Variants in VPS41 observed in about 807,000 individuals in gnomAD.
VPS41 encodes VPS41 subunit of HOPS complex, also known as vacuolar protein sorting-associated protein 41 homolog.
Under a neutral mutation model 130.9 loss-of-function variants are expected in VPS41, and 85 were observed. The ratio of observed to expected loss-of-function variants is 0.65; its 90% CI spans 0.55 to 0.78. The LOEUF is 0.78. Ranked by LOEUF, VPS41 falls within the 30% of genes least tolerant of loss-of-function variation. The pLI is 0.00. For synonymous variants in VPS41, 335 were observed against 332.9 expected (o/e 1.01, Z -0.07); for missense variants, 874 against 1,018.7 (o/e 0.86, Z 1.93).
At chr7:38,770,145 T>C (rs936900541) in intron 14 of VPS41, among the ~76,000 whole-genome samples, 2 of 152,032 alleles carry the variant, frequency 1.3e-5, no homozygotes, top group Admixed American at 1.3e-4. Flanking sequence ...GGCGCATGCC[T>C]GTAGTCCCAG....
intron 2 of VPS41, among the ~76,000 whole-genome samples, chr7:38,873,515 C>T (rs1190801680): frequency 2.0e-5 from 3 of 151,952 alleles, no homozygotes; most frequent in African/African-American, 4.8e-5. Flanking sequence ...TAATAAAAAG[C>T]AAATCAATAA....
chr7:38,772,503 G>C lies in VPS41; in HGVS notation c.1128+19C>G. ...CTGTAGATGAGTCAATACTTTCAAA[G>C]AAGTAAAATCAAGGGTACTTCATAT... is the stretch of plus-strand genomic sequence containing the variant. On this transcript the variant is annotated intron_variant, in intron 13 of 28. Transcript: ENST00000310301. 6.6e-7 allele frequency: 1 copy of C among 1,504,208 alleles called. No individual in the cohort carries two copies. The highest frequency in any genetic ancestry group is 1.1e-5 in the South Asian group (1 of 88,038). The allele number at this position is 1,504,208 out of a possible 1,614,324, so 93.2% of individuals were successfully genotyped here. A position where few individuals can be genotyped will look rare whatever the true frequency, so the allele number is the denominator to read the frequency against.
rs1310332905 is a variant in VPS41, at chr7:38,809,545, A to G, written c.450+8272T>C. On this transcript the variant is annotated intron_variant, in intron 7 of 28. Transcript: ENST00000310301. ...CTCCCTCAAAAAGGATTCAAAATCC[A>G]ATTTATTATTTGCAGACCACTGCTG... Among the ~76,000 whole-genome samples, 4 of 152,104 alleles carry G rather than the reference A, an allele frequency of 2.6e-5. 1 individual carries two copies. The highest frequency in any genetic ancestry group is 5.9e-5 in the Non-Finnish European group (4 of 68,010).
chr7:38,795,481 C>CA lies in VPS41; in HGVS notation c.700dup (p.Trp234LeufsTer17). 1 of 1,611,642 alleles carries CA rather than the reference C, an allele frequency of 6.2e-7. No homozygotes were observed. Among genetic ancestry groups the CA allele is most frequent in the Non-Finnish European group, 8.5e-7 (1 of 1,178,680 alleles). On this transcript the variant is annotated frameshift_variant, in exon 9 of 29. Transcript: ENST00000310301. LOFTEE classifies it high-confidence loss of function. ...CAAAACCACCTTGACAGAAGTCCCC[C>CA]AGCCAATAATCAGTGTCACATTGTC...
intron 7 of VPS41, among the ~76,000 whole-genome samples, chr7:38,813,166 T>C (rs1414062141): frequency 2.6e-5 from 4 of 152,094 alleles, no homozygotes; most frequent in Admixed American, 1.3e-4. Flanking sequence ...GATAGATCTA[T>C]ACAATGAAAT....
At chr7:38,901,708 G>C (rs1360966298) in intron 1 of VPS41, among the ~76,000 whole-genome samples, 1 of 152,122 alleles carries the variant, frequency 6.6e-6, no homozygotes, top group African/African-American at 2.4e-5. Context: ...GCACAACAAT[G>C]TGAGTGTATT....
chr7:38,733,679 G>C (rs1176124663), intron 25 of VPS41, among the ~76,000 whole-genome samples: 4 of 152,106 alleles, frequency 2.6e-5, no homozygotes, highest in Non-Finnish European at 4.4e-5. Flanking sequence ...ATCACTTTCA[G>C]AACTTAAAAC....
chr7:38,726,565 T>C (rs938106850), intron 28 of VPS41, among the ~76,000 whole-genome samples: 3 of 152,052 alleles, frequency 2.0e-5, no homozygotes, highest in Non-Finnish European at 4.4e-5. Flanking sequence ...AATATGACAC[T>C]AAAAAAATGA....
intron 4 of VPS41, among the ~76,000 whole-genome samples, chr7:38,853,928 T>G (rs571826695): frequency 6.6e-6 from 1 of 152,370 alleles, no homozygotes; most frequent in East Asian, 1.9e-4. Context: ...CATCCTTAAT[T>G]CTGACCATGT....
intron 10 of VPS41, among the ~76,000 whole-genome samples, chr7:38,787,105 T>G (rs1473905506): frequency 3.3e-5 from 5 of 152,224 alleles, no homozygotes; most frequent in African/African-American, 1.2e-4. Context: ...CCTTTCTTCC[T>G]GACTTGTCAT....
intron 2 of VPS41, among the ~76,000 whole-genome samples, chr7:38,876,367 A>C (rs542826223): frequency 6.6e-6 from 1 of 152,344 alleles, no homozygotes; most frequent in South Asian, 2.1e-4. Flanking sequence ...CCTGCTTTGT[A>C]TGATCCAAAT....
chr7:38,784,819 G>A (rs1272398360), intron 10 of VPS41, among the ~76,000 whole-genome samples: 2 of 152,152 alleles, frequency 1.3e-5, no homozygotes, highest in Non-Finnish European at 2.9e-5. Context: ...CTGCTGCAAG[G>A]GCTAAAGCGC....
rs1360867714 is a variant in VPS41, at chr7:38,795,506, C to T, written c.676G>A (p.Asp226Asn). 1 of 1,613,448 alleles carries T rather than the reference C, an allele frequency of 6.2e-7. No homozygotes were observed. Among genetic ancestry groups the T allele is most frequent in the South Asian group, 1.1e-5 (1 of 90,990 alleles). The change falls in exon 9 of 29, where the codon GAC (aspartate) becomes AAC (asparagine). Residue 226 changes from aspartate (D) to asparagine (N), a missense_variant. By Grantham distance (23) the Asp-to-Asn change is conservative. Transcript: ENST00000310301. ...CAGCCAATAATCAGTGTCACATTGT[C>T]CTTCCAGCAGAGGCTGCAGGGATAC... ...DMYPCSLCWK[D>N]NVTLIIGWGT...
intron 4 of VPS41, among the ~76,000 whole-genome samples, chr7:38,846,534 G>C (rs893451427): frequency 6.6e-6 from 1 of 152,186 alleles, no homozygotes; most frequent in African/African-American, 2.4e-5. Context: ...CCACTGTTAC[G>C]ACAGAAAGCA....
intron 12 of VPS41, 24 bp downstream of exon 12, chr7:38,774,091 A>G: frequency 6.4e-7 from 1 of 1,573,640 alleles, no homozygotes; most frequent in Non-Finnish European, 8.6e-7. Flanking sequence ...AAAGCATATC[A>G]GCCAGATCTT....
At chr7:38,730,172 T>G (rs1047390474) in intron 25 of VPS41, among the ~76,000 whole-genome samples, 1 of 152,188 alleles carries the variant, frequency 6.6e-6, no homozygotes, top group Admixed American at 6.5e-5. Flanking sequence ...AGTGCCACTG[T>G]TTAGAGGGGG....
chr7:38,819,600 A>C (rs1164202836), intron 6 of VPS41, among the ~76,000 whole-genome samples: 1 of 152,040 alleles, frequency 6.6e-6, no homozygotes, highest in African/African-American at 2.4e-5. Flanking sequence ...CACCACATAG[A>C]ATGCCCTTGT....
chr7:38,817,103 G>A (rs1048296511), intron 7 of VPS41, among the ~76,000 whole-genome samples: 5 of 151,360 alleles, frequency 3.3e-5, no homozygotes, highest in South Asian at 2.1e-4. Context: ...ACATGTCAGC[G>A]AAGAGTAGCC....
chr7:38,747,840 T>C (rs760019861), intron 22 of VPS41, among the ~76,000 whole-genome samples: 3 of 152,204 alleles, frequency 2.0e-5, no homozygotes, highest in Admixed American at 6.5e-5. Context: ...GAATATGCCA[T>C]AGAATAGCAA....
Sources: allele counts gnomAD v4.1 joint callset (sites outside exome capture counted in the v4.1 genomes callset), GRCh38; gene constraint gnomAD v4.1.1; transcripts MANE v1.5; gene names NCBI Gene and HGNC (gene_info 2026-07-23, HGNC 2026-07-21).